The following GMDS variants were observed in gnomAD, a reference collection of about 807,000 sequenced individuals.
The protein encoded by GMDS is GDP-mannose 4,6-dehydratase.
In GMDS, 20 loss-of-function variants were observed where a neutral mutation model predicts 49.9. That is an observed-to-expected ratio of 0.40 (90% confidence interval 0.28 to 0.58). The LOEUF (loss-of-function observed/expected upper bound fraction) is 0.58, where lower values mean the gene tolerates loss of function less well. Among genes scored for constraint, GMDS ranks in the 20% least tolerant of loss-of-function variants. The probability of loss-of-function intolerance (pLI) is 0.42; values close to 1 mark genes in which losing one functional copy is unlikely to be tolerated. For synonymous variants in GMDS, 177 were observed against 178.6 expected, an observed-to-expected ratio of 0.99 and a Z score of 0.07; for missense variants, 362 against 481.4, an observed-to-expected ratio of 0.75 and a Z score of 2.32.
intron 4 of GMDS, among the ~76,000 whole-genome samples, chr6:2,037,550 G>A (rs75639447): frequency 1.3e-5 from 2 of 152,274 alleles, no homozygotes; most frequent in South Asian, 4.1e-4. Flanking sequence ...CAGACGAGAA[G>A]TACAATCCTA....
At chr6:2,020,740 CAAAAT>C (rs888183575) in intron 4 of GMDS, among the ~76,000 whole-genome samples, 34 of 151,990 alleles carry the variant, frequency 2.2e-4, no homozygotes, top group African/African-American at 8.0e-4. Context: ...TGTTAATAGT[CAAAAT>C]AAACACTGAA....
chr6:1,874,912 A>G (rs1758955607), intron 7 of GMDS, among the ~76,000 whole-genome samples: 2 of 152,250 alleles, frequency 1.3e-5, no homozygotes, highest in African/African-American at 2.4e-5. Flanking sequence ...AAATGCGAGA[A>G]GAAAAAACCC....
chr6:1,951,779 A>G, intron 6 of GMDS: 1 of 476,508 alleles, frequency 2.1e-6, no homozygotes, highest in Non-Finnish European at 2.7e-6. Flanking sequence ...TTCATATCAC[A>G]TTTATATTCT....
chr6:2,169,621 C>CAAAAAAAAAAAAAAAAA (rs556634869), intron 1 of GMDS, among the ~76,000 whole-genome samples: 1 of 73,730 alleles, frequency 1.4e-5, no homozygotes, highest in African/African-American at 3.3e-5. Flanking sequence ...CACCAGGCAG[C>CAAAAAAAAAAAAAAAAA]AAAAAAAAAA....
At chr6:1,733,778 G>C (rs1378090080) in intron 8 of GMDS, among the ~76,000 whole-genome samples, 2 of 152,138 alleles carry the variant, frequency 1.3e-5, no homozygotes, top group African/African-American at 2.4e-5. Flanking sequence ...CTTGAACCTG[G>C]GGGGCAGAGG....
chr6:2,120,134 A>C (rs1385447810), intron 2 of GMDS, among the ~76,000 whole-genome samples: 4 of 152,218 alleles, frequency 2.6e-5, no homozygotes, highest in Non-Finnish European at 5.9e-5. Context: ...CTTACACAGC[A>C]ATGATCATGT....
intron 1 of GMDS, among the ~76,000 whole-genome samples, chr6:2,199,515 A>G (rs1779413039): frequency 6.6e-6 from 1 of 151,902 alleles, no homozygotes; most frequent in Admixed American, 6.6e-5. Context: ...CTCCCCACTC[A>G]CTGCTCCCTC....
intron 4 of GMDS, among the ~76,000 whole-genome samples, chr6:1,999,959 T>TAA (rs1207388926): frequency 6.4e-4 from 8 of 12,520 alleles, no homozygotes; most frequent in East Asian, 3.8e-3. Flanking sequence ...AATATGTATA[T>TAA]TATATATATA....
chr6:2,135,402 G>A (rs1187241745), intron 1 of GMDS, among the ~76,000 whole-genome samples: 1 of 152,038 alleles, frequency 6.6e-6, no homozygotes, highest in East Asian at 1.9e-4. Flanking sequence ...TTTATCCTGA[G>A]GTTTAAAAAC....
At chr6:1,641,678 C>T (rs1192567592) in intron 9 of GMDS, among the ~76,000 whole-genome samples, 2 of 152,160 alleles carry the variant, frequency 1.3e-5, no homozygotes, top group Admixed American at 6.5e-5. Context: ...CAGTCAGGCG[C>T]GTACAGCTCG....
intron 1 of GMDS, among the ~76,000 whole-genome samples, chr6:2,202,853 G>T (rs758446740): frequency 9.2e-5 from 14 of 152,146 alleles, no homozygotes; most frequent in Non-Finnish European, 7.4e-5. Context: ...AACAAAGAAG[G>T]TTCCAGATTG....
chr6:2,020,783 C>A lies in GMDS; in HGVS notation c.346-59817G>T, dbSNP rs555065001. 5.9e-5 allele frequency among the ~76,000 whole-genome samples: 9 copies of A among 152,212 alleles called. No homozygotes were observed. The South Asian group carries it at 1.9e-3, about 32-fold the overall frequency. On this transcript the variant is annotated intron_variant, in intron 4 of 10. Coordinates refer to ENST00000380815, the MANE Select transcript of GMDS (RefSeq NM_001500.4). ...AGGAAATTAGGCAAATTTAGGACAA[C>A]AGAATTACCTAAAAATAATACAGCT... is the stretch of plus-strand genomic sequence containing the variant.
In GMDS at chr6:1,819,956, C is replaced by T. The variant is rs1254505911; in HGVS notation, c.772-77370G>A. 4.6e-5 allele frequency among the ~76,000 whole-genome samples: 7 copies of T among 151,546 alleles called. No homozygotes were observed. The East Asian group carries it at 1.4e-3, about 29-fold the overall frequency. Reference sequence around the variant, plus strand: ...TCCTCATGCTAAGCAGAAAGTATTACATTAATTTTGAGTGTTTATCTTGGT... The same window carrying T: ...TCCTCATGCTAAGCAGAAAGTATTATATTAATTTTGAGTGTTTATCTTGGT... On this transcript the variant is annotated intron_variant, in intron 7 of 10. Coordinates refer to ENST00000380815, the MANE Select transcript of GMDS (RefSeq NM_001500.4).
chr6:2,046,074 T>TCA (rs368748917), intron 4 of GMDS, among the ~76,000 whole-genome samples: 3 of 151,782 alleles, frequency 2.0e-5, no homozygotes, highest in Admixed American at 6.6e-5. Context: ...CCAGGAGTGG[T>TCA]CACACACACA....
intron 4 of GMDS, among the ~76,000 whole-genome samples, chr6:2,063,671 T>C (rs1367798570): frequency 6.6e-6 from 1 of 152,206 alleles, no homozygotes; most frequent in Admixed American, 6.5e-5. Flanking sequence ...AATGCCACAA[T>C]GGCTGTCAGA....
chr6:2,203,774 T>C (rs915306464), intron 1 of GMDS, among the ~76,000 whole-genome samples: 1 of 152,218 alleles, frequency 6.6e-6, no homozygotes, highest in Non-Finnish European at 1.5e-5. Flanking sequence ...TACATTTTAG[T>C]AGAAAACCTT....
chr6:1,834,894 A>G (rs1462847481), intron 7 of GMDS, among the ~76,000 whole-genome samples: 1 of 152,072 alleles, frequency 6.6e-6, no homozygotes, highest in Non-Finnish European at 1.5e-5. Flanking sequence ...TTTTTATACT[A>G]CTTTATACAC....
chr6:2,204,105 G>A (rs1779677470), intron 1 of GMDS, among the ~76,000 whole-genome samples: 1 of 152,138 alleles, frequency 6.6e-6, no homozygotes, highest in Admixed American at 6.5e-5. Context: ...TAGGGTTAGG[G>A]ATAGGGTTAA....
chr6:1,795,456 G>C (rs1769702920), intron 7 of GMDS, among the ~76,000 whole-genome samples: 1 of 152,070 alleles, frequency 6.6e-6, no homozygotes, highest in African/African-American at 2.4e-5. Context: ...TATACATACA[G>C]ATATATGATG....
Sources: allele counts gnomAD v4.1 joint callset (sites outside exome capture counted in the v4.1 genomes callset), GRCh38; gene constraint gnomAD v4.1.1; transcripts MANE v1.5; gene names NCBI Gene and HGNC (gene_info 2026-07-23, HGNC 2026-07-21).